ANKS1B: variants seen among roughly 807,000 people sequenced by gnomAD.
ANKS1B encodes ankyrin repeat and sterile alpha motif domain containing 1B, also known as ankyrin repeat and sterile alpha motif domain-containing protein 1B.
ANKS1B carries 36 observed loss-of-function variants against 148.3 expected under a neutral mutation model. That is an observed-to-expected ratio of 0.24 (90% CI 0.19 to 0.32). The LOEUF (loss-of-function observed/expected upper bound fraction) is 0.32, where lower values mean the gene tolerates loss of function less well. Among genes scored for constraint, ANKS1B ranks in the 10% least tolerant of loss-of-function variants. The pLI, the probability that ANKS1B is intolerant of heterozygous loss-of-function variation, is 1.00. For missense variants in ANKS1B, 1,157 were observed against 1,542.6 expected (o/e 0.75, Z 4.19); for synonymous variants, 542 against 560.8 (o/e 0.97, Z 0.47).
intron 14 of ANKS1B, among the ~76,000 whole-genome samples, chr12:99,168,039 G>A (rs762637863): frequency 3.3e-5 from 5 of 152,112 alleles, no homozygotes; most frequent in African/African-American, 4.8e-5. Flanking sequence ...GGCTCCTTGG[G>A]GATATGACAA....
chr12:99,483,132 G>C (rs2096438704), intron 10 of ANKS1B, among the ~76,000 whole-genome samples: 1 of 151,078 alleles, frequency 6.6e-6, no homozygotes, highest in African/African-American at 2.4e-5. Flanking sequence ...TGTTGGCTGT[G>C]GGTAGGTCAT....
At chr12:99,270,088 G>GA (rs1302260319) in intron 12 of ANKS1B, among the ~76,000 whole-genome samples, 1 of 152,190 alleles carries the variant, frequency 6.6e-6, no homozygotes, top group Non-Finnish European at 1.5e-5. Context: ...GAGTGAAAGT[G>GA]AGGTGAGACT....
At chr12:99,254,473 C>T (rs745892530) in intron 12 of ANKS1B, among the ~76,000 whole-genome samples, 1 of 152,160 alleles carries the variant, frequency 6.6e-6, no homozygotes, top group Non-Finnish European at 1.5e-5. Flanking sequence ...TCTATCTCAG[C>T]TGTAGGAACT....
chr12:99,667,136 A>C (rs993784843), intron 8 of ANKS1B, among the ~76,000 whole-genome samples: 34 of 152,156 alleles, frequency 2.2e-4, no homozygotes, highest in African/African-American at 8.0e-4. Flanking sequence ...ACTTGAGGTA[A>C]GGAGTTCGAG....
At chr12:99,305,435 C>A (rs2154022974) in intron 12 of ANKS1B, among the ~76,000 whole-genome samples, 1 of 152,196 alleles carries the variant, frequency 6.6e-6, no homozygotes, top group Non-Finnish European at 1.5e-5. Context: ...GTAGAACAAT[C>A]TCAAAATATT....
At chr12:99,936,963 C>G (rs1720645761) in intron 1 of ANKS1B, among the ~76,000 whole-genome samples, 1 of 152,174 alleles carries the variant, frequency 6.6e-6, no homozygotes, top group Non-Finnish European at 1.5e-5. Context: ...CCAAAGTATA[C>G]AGCTTGCTTG....
intron 19 of ANKS1B, among the ~76,000 whole-genome samples, chr12:98,813,602 G>A (rs578087827): frequency 3.3e-4 from 50 of 152,006 alleles, no homozygotes; most frequent in African/African-American, 1.2e-3. Context: ...GAGTACAGTG[G>A]CACAATCTTG....
chr12:99,416,498 C>T (rs545972622), intron 11 of ANKS1B, among the ~76,000 whole-genome samples: 4 of 152,300 alleles, frequency 2.6e-5, no homozygotes, highest in South Asian at 2.1e-4. Flanking sequence ...TGTATCCTTG[C>T]CAGCATTTAG....
At chr12:99,710,565 G>A (rs885124) in intron 8 of ANKS1B, among the ~76,000 whole-genome samples, 58 of 152,060 alleles carry the variant, frequency 3.8e-4, no homozygotes, top group Middle Eastern at 3.4e-3. Flanking sequence ...AGGACTGAGA[G>A]TCAATGTGGT....
intron 10 of ANKS1B, among the ~76,000 whole-genome samples, chr12:99,461,313 C>T (rs1189178678): frequency 6.6e-6 from 1 of 152,026 alleles, no homozygotes; most frequent in African/African-American, 2.4e-5. Context: ...AAAGTCTACA[C>T]ATTGGGTACA....
intron 19 of ANKS1B, among the ~76,000 whole-genome samples, chr12:98,818,284 T>C (rs1042174482): frequency 7.2e-5 from 11 of 151,866 alleles, no homozygotes; most frequent in Admixed American, 1.3e-4. Flanking sequence ...GCTACTAAAG[T>C]AGGAGAGAAG....
chr12:98,913,777 G>T (rs1350752097), intron 17 of ANKS1B, among the ~76,000 whole-genome samples: 1 of 152,052 alleles, frequency 6.6e-6, no homozygotes, highest in African/African-American at 2.4e-5. Context: ...ACAGACGCGT[G>T]CCACTACCAC....
intron 17 of ANKS1B, among the ~76,000 whole-genome samples, chr12:98,969,578 C>CTT (rs139106653): frequency 9.9e-4 from 150 of 151,814 alleles, no homozygotes; most frequent in Admixed American, 2.8e-3. Context: ...AAAGAAATAT[C>CTT]TTTTTTTTGC....
rs147077269 is a variant in ANKS1B, at chr12:99,814,837, T to C, written c.216-2526A>G. ...AATCAAAAGTTGTTCTCAAGGCAGA[T>C]TGTTGCAATGTTAAACAATTCCAGT... On this transcript the variant is annotated intron_variant, in intron 2 of 26. Transcript: ENST00000683438. Among the ~76,000 whole-genome samples the C allele has an allele frequency of 2.3e-3, 348 of 151,926 alleles. 1 individual carries two copies. Among genetic ancestry groups the C allele is most frequent in the African/African-American group, 7.9e-3 (327 of 41,530 alleles).
At chr12:99,339,213 G>A (rs1003631812) in intron 12 of ANKS1B, among the ~76,000 whole-genome samples, 13 of 152,158 alleles carry the variant, frequency 8.5e-5, no homozygotes, top group African/African-American at 2.9e-4. Context: ...AAGCTGGAAC[G>A]GATAATTCCC....
At chr12:98,832,710 C>T (rs1213865356) in intron 17 of ANKS1B, among the ~76,000 whole-genome samples, 1 of 152,126 alleles carries the variant, frequency 6.6e-6, no homozygotes, top group Non-Finnish European at 1.5e-5. Context: ...TCCTCCCCCG[C>T]CTCCTTATTG....
chr12:98,781,333 C>G (rs761838170), intron 23 of ANKS1B, 130 bp from the exon 24 acceptor site: 2 of 690,948 alleles, frequency 2.9e-6, no homozygotes, highest in South Asian at 3.0e-5. Context: ...CACACACACA[C>G]ACACACACAT....
intron 17 of ANKS1B, among the ~76,000 whole-genome samples, chr12:99,016,236 A>C (rs180948540): frequency 6.6e-6 from 1 of 152,328 alleles, no homozygotes; most frequent in Admixed American, 6.5e-5. Context: ...AGAACCCATG[A>C]CACCCCTAAC....
chr12:99,306,783 A>C (rs555068726), intron 12 of ANKS1B, among the ~76,000 whole-genome samples: 43 of 152,124 alleles, frequency 2.8e-4, no homozygotes, highest in African/African-American at 9.6e-4. Context: ...TCATTTTCAC[A>C]TATCTAGTGT....
Sources: allele counts gnomAD v4.1 joint callset (sites outside exome capture counted in the v4.1 genomes callset), GRCh38; gene constraint gnomAD v4.1.1; transcripts MANE v1.5; gene names NCBI Gene and HGNC (gene_info 2026-07-23, HGNC 2026-07-21).